MED27: variants seen among roughly 807,000 people sequenced by gnomAD.
MED27 encodes mediator complex subunit 27, also known as mediator of RNA polymerase II transcription subunit 27.
MED27 carries 30 observed loss-of-function variants against 38.2 expected under a neutral mutation model. The observed-to-expected ratio is 0.79, with a 90% confidence interval of 0.59 to 1.07. The LOEUF (loss-of-function observed/expected upper bound fraction) is 1.07. MED27 is among the 50% of genes least tolerant of loss of function. MED27 has a pLI of 0.00. For synonymous variants in MED27, 122 were observed against 153.5 expected (o/e 0.79, Z 1.52); for missense variants, 289 against 397.5 (o/e 0.73, Z 2.32).
chr9:131,945,452 A>G (rs1830868354), intron 3 of MED27, among the ~76,000 whole-genome samples: 1 of 152,198 alleles, frequency 6.6e-6, no homozygotes, highest in Non-Finnish European at 1.5e-5. Flanking sequence ...AAGAACACCT[A>G]AAATCTACTG....
At chr9:131,873,796 G>A (rs1838876678) in intron 6 of MED27, among the ~76,000 whole-genome samples, 1 of 152,198 alleles carries the variant, frequency 6.6e-6, no homozygotes, top group South Asian at 2.1e-4. Flanking sequence ...CTGTGTCTGA[G>A]AGGGGCGAGC....
rs940634364 is a variant in MED27 at position 131,860,277 on chromosome 9, A to G, written c.*261T>C. 5.0e-6 allele frequency: 2 copies of G among 398,874 alleles called. No individual in the cohort carries two copies. The highest frequency in any genetic ancestry group is 4.2e-5 in the Admixed American group (1 of 23,844). 24.7% of individuals were successfully genotyped at this position (398,874 alleles called of 1,614,324 possible). The stretch of plus-strand genomic sequence containing the variant: ...CTGCCGACACACATGGACGAGGAGC[A>G]TGCTGCACAGCTTCCTTCTACCAGG... On this transcript the variant is annotated 3_prime_UTR_variant, in exon 8 of 8. Transcript: ENST00000292035. The surrounding 1 kb of genome is among the most constrained non-coding windows in gnomAD (Gnocchi z 5.8).
intron 3 of MED27, among the ~76,000 whole-genome samples, chr9:131,996,926 A>G (rs2131050504): frequency 6.6e-6 from 1 of 152,324 alleles, no homozygotes; most frequent in East Asian, 1.9e-4. Flanking sequence ...TAATGCATAC[A>G]ACCTACAAAA....
At chr9:131,923,334 C>T (rs1312930085) in intron 4 of MED27, among the ~76,000 whole-genome samples, 2 of 152,132 alleles carry the variant, frequency 1.3e-5, no homozygotes, top group Non-Finnish European at 2.9e-5. Context: ...AATTTATTTC[C>T]GTATTTGCTC....
At position 131,883,948 on chromosome 9, in the gene MED27, T is replaced by G; in HGVS notation, c.723+110A>C. On this transcript the variant is annotated intron_variant, in intron 6 of 7. Coordinates refer to ENST00000292035, the MANE Select transcript of MED27 (RefSeq NM_004269.4). This position sits in a 1 kb window ranked among gnomAD's most constrained non-coding sequence, Gnocchi z 4.2. ...CAGACAGTGAGCATCCTTTTCTGTCTGGCTTTTTTCACTTTTTCAAAAGCC... is the reference window on the plus strand; with the variant it reads ...CAGACAGTGAGCATCCTTTTCTGTCGGGCTTTTTTCACTTTTTCAAAAGCC... 5 of 928,576 alleles carry G rather than the reference T, an allele frequency of 5.4e-6. No homozygotes were observed. Among genetic ancestry groups the G allele is most frequent in the Non-Finnish European group, 8.3e-6 (5 of 602,174 alleles). The allele number at this position is 928,576 out of a possible 1,614,324, so 57.5% of individuals were successfully genotyped here.
At position 131,909,823 on chromosome 9, in the gene MED27, A is replaced by G. The variant is rs142102400; in HGVS notation, c.574-15831T>C. 9.8e-5 allele frequency among the ~76,000 whole-genome samples: 15 copies of G among 152,368 alleles called. 1 individual carries two copies. The East Asian group carries it at 2.1e-3, about 22-fold the overall frequency. On this transcript the variant is annotated intron_variant, in intron 4 of 7. Coordinates refer to ENST00000292035, the MANE Select transcript of MED27 (RefSeq NM_004269.4). ...TGCAGCTCTCTGTGTCCTTAGATAC[A>G]TGAGGTAGTTAGAATACTGAAAACT...
rs145991168 is a variant in MED27 at position 131,997,522 on chromosome 9, G to A, written c.479+16815C>T. Among the ~76,000 whole-genome samples, 742 of 152,302 alleles carry A rather than the reference G, an allele frequency of 4.9e-3. 5 individuals are homozygous for A. Among genetic ancestry groups the A allele is most frequent in the Non-Finnish European group, 8.1e-3 (548 of 68,020 alleles). ...AGAGATCCCCTGGGTTGACCGAGGCGTTGCCAGCCCTGCACTGTAGGCTGC... is the reference window on the plus strand; with the variant it reads ...AGAGATCCCCTGGGTTGACCGAGGCATTGCCAGCCCTGCACTGTAGGCTGC... On this transcript the variant is annotated intron_variant, in intron 3 of 7. Transcript: ENST00000292035. The surrounding 1 kb of genome is among the most constrained non-coding windows in gnomAD (Gnocchi z 4.0).
intron 4 of MED27, among the ~76,000 whole-genome samples, chr9:131,902,462 C>G (rs1829968509): frequency 6.6e-6 from 1 of 152,180 alleles, no homozygotes; most frequent in African/African-American, 2.4e-5. Context: ...AGAAGATAAA[C>G]TGTCATGCCA....
At chr9:131,927,698 G>T (rs1830507763) in intron 4 of MED27, among the ~76,000 whole-genome samples, 1 of 152,122 alleles carries the variant, frequency 6.6e-6, no homozygotes, top group African/African-American at 2.4e-5. Flanking sequence ...GGTGCTTCCA[G>T]GCCAACAACA....
At chr9:131,875,944 G>C (rs952758320) in intron 6 of MED27, among the ~76,000 whole-genome samples, 5 of 152,224 alleles carry the variant, frequency 3.3e-5, no homozygotes, top group African/African-American at 9.6e-5. Flanking sequence ...ACTGAGGCAA[G>C]TGAATCCACA....
Position 132,040,705 on chromosome 9 carries a change from G to A in MED27, c.349-26238C>T, listed in dbSNP as rs142576919. On this transcript the variant is annotated intron_variant, in intron 2 of 7. Coordinates refer to ENST00000292035, the MANE Select transcript of MED27 (RefSeq NM_004269.4). ...GAGCACTCAAGGTGACAAAGTGCTCGGCTCCACCAGCACATCTCTGTTTCT... is the reference window on the plus strand; with the variant it reads ...GAGCACTCAAGGTGACAAAGTGCTCAGCTCCACCAGCACATCTCTGTTTCT... Among the ~76,000 whole-genome samples the A allele has an allele frequency of 2.0e-4, 30 of 152,300 alleles. 1 individual carries two copies. In the East Asian group the frequency reaches 5.4e-3, roughly 27 times the overall value.
chr9:132,065,161 G>A (rs925469377), intron 2 of MED27, among the ~76,000 whole-genome samples: 38 of 152,164 alleles, frequency 2.5e-4, no homozygotes, highest in Non-Finnish European at 1.5e-5. Flanking sequence ...TTTCTCACAC[G>A]TTAATGCATA....
intron 4 of MED27, among the ~76,000 whole-genome samples, chr9:131,916,586 T>C (rs1830293392): frequency 6.6e-6 from 1 of 152,172 alleles, no homozygotes. Context: ...AGGCTAACGC[T>C]AATAATTTAC....
chr9:131,973,131 AG>A (rs769475619), intron 3 of MED27, among the ~76,000 whole-genome samples: 4 of 152,244 alleles, frequency 2.6e-5, no homozygotes, highest in Non-Finnish European at 5.9e-5. Context: ...TAAACTTTCT[AG>A]TACACTTTTT....
intron 2 of MED27, among the ~76,000 whole-genome samples, chr9:132,022,546 G>C (rs190125504): frequency 6.6e-5 from 10 of 152,216 alleles, no homozygotes; most frequent in Admixed American, 6.5e-4. Flanking sequence ...TGACTTCCTA[G>C]TACAAAAATC....
At chr9:131,967,778 T>C (rs1166274382) in intron 3 of MED27, among the ~76,000 whole-genome samples, 1 of 151,430 alleles carries the variant, frequency 6.6e-6, no homozygotes, top group Non-Finnish European at 1.5e-5. Flanking sequence ...CCCAAAGTGT[T>C]GGGATTACAG....
At chr9:132,071,072 G>A (rs1415757707) in intron 2 of MED27, among the ~76,000 whole-genome samples, 2 of 152,172 alleles carry the variant, frequency 1.3e-5, no homozygotes, top group Non-Finnish European at 2.9e-5. Context: ...GCAGCCACTG[G>A]AGAGTACTGA....
chr9:132,018,945 T>C (rs1209253157), intron 2 of MED27, among the ~76,000 whole-genome samples: 1 of 152,038 alleles, frequency 6.6e-6, no homozygotes, highest in African/African-American at 2.4e-5. Flanking sequence ...TATAATTACA[T>C]ATAAAGGCAA....
intron 4 of MED27, among the ~76,000 whole-genome samples, chr9:131,939,172 T>C (rs183255976): frequency 2.5e-4 from 38 of 152,336 alleles, no homozygotes; most frequent in African/African-American, 8.9e-4. Flanking sequence ...TGGTTAAGTC[T>C]TACATGGGGT....
Sources: gnomAD v4.1 joint callset for allele counts (sites outside exome capture counted in the v4.1 genomes callset) on GRCh38, gnomAD v4.1.1 for gene constraint, Gnocchi (gnomAD v3.1) non-coding constraint, MANE v1.5 for transcripts, NCBI Gene and HGNC (gene_info 2026-07-23, HGNC 2026-07-21) for gene names.